CUBN: variants seen among roughly 807,000 people sequenced by gnomAD.
CUBN encodes the protein cubilin.
In CUBN, 282 loss-of-function variants were observed where a neutral mutation model predicts 405.3. The observed-to-expected ratio is 0.70, with a 90% CI of 0.63 to 0.77. The LOEUF (loss-of-function observed/expected upper bound fraction) is 0.77, where lower values mean the gene tolerates loss of function less well. Among genes scored for constraint, CUBN ranks in the 30% least tolerant of loss-of-function variants. CUBN has a pLI of 0.00. For missense variants in CUBN, 4,514 were observed against 4,475.2 expected (o/e 1.01, Z -0.25); for synonymous variants, 1,684 against 1,617.0 (o/e 1.04, Z -0.99).
At chr10:16,905,869 T>C (rs1588637393) in intron 50 of CUBN, among the ~76,000 whole-genome samples, 1 of 152,116 alleles carries the variant, frequency 6.6e-6, no homozygotes, top group African/African-American at 2.4e-5. Flanking sequence ...CCCCAGCACT[T>C]TGGGAGGCCA....
At chr10:16,841,522 C>A (rs1405361137) in intron 60 of CUBN, among the ~76,000 whole-genome samples, 4 of 151,900 alleles carry the variant, frequency 2.6e-5, no homozygotes, top group Non-Finnish European at 5.9e-5. Context: ...TGCTTCCCAT[C>A]CACTCAATCA....
chr10:16,852,138 T>G (rs985733899), intron 59 of CUBN, among the ~76,000 whole-genome samples: 1 of 127,924 alleles, frequency 7.8e-6, no homozygotes, highest in African/African-American at 3.0e-5. Flanking sequence ...CCTCCATCTT[T>G]CCCTCCCTCA....
chr10:16,854,910 TTTCCTTCC>T (rs200872755), intron 59 of CUBN, among the ~76,000 whole-genome samples: 1 of 150,368 alleles, frequency 6.7e-6, no homozygotes, highest in East Asian at 1.9e-4. Flanking sequence ...TCCTCCCTCC[TTTCCTTCC>T]TTCCTTCCTT....
In CUBN at chr10:17,127,869, G is replaced by A. The variant is rs776735047; in HGVS notation, c.308C>T (p.Pro103Leu). Residue 103 changes from proline to leucine, a missense_variant, in exon 3 of 67, where the codon CCT (proline) becomes CTT (leucine). By Grantham distance (98) the Pro-to-Leu change is moderately conservative (BLOSUM62 -3). This residue lies in a region of CUBN where 1,448 missense variants were observed against 1,388.0 expected (regional missense o/e 1.04). Transcript: ENST00000377833. The stretch of plus-strand genomic sequence containing the variant: ...ATAGATTTGACTAGATATATTTTGA[G>A]GCAGACCAATTGCACTCCCTTTTAA... ...IELKGSAIGL[P>L]QNISSQIYQL... 9 of 1,613,080 alleles carry A rather than the reference G, an allele frequency of 5.6e-6. No homozygotes were observed. In the South Asian group the frequency reaches 9.9e-5, roughly 18 times the overall value.
chr10:17,122,530 T>C, intron 6 of CUBN: 1 of 518,368 alleles, frequency 1.9e-6, no homozygotes, highest in Non-Finnish European at 3.8e-6. Context: ...GCTTACTCTC[T>C]GTGCCAATCA....
At chr10:17,031,418 T>A (rs370425540) in intron 27 of CUBN, among the ~76,000 whole-genome samples, 3 of 152,178 alleles carry the variant, frequency 2.0e-5, no homozygotes. Context: ...TATTACTCCG[T>A]TTTACAGAAA....
chr10:16,920,092 T>TA lies in CUBN; in HGVS notation c.6691dup (p.Tyr2231LeufsTer10). 1 of 1,613,976 alleles carries TA rather than the reference T, an allele frequency of 6.2e-7. No homozygotes were observed. The highest frequency in any genetic ancestry group is 8.5e-7 in the Non-Finnish European group (1 of 1,179,968). Reference sequence around the variant, plus strand: ...ATGAGGGTGGTTGGGGGAGGTCACATACCCAGCAGAATCAGCATCATGGAT... The same window carrying TA: ...ATGAGGGTGGTTGGGGGAGGTCACATAACCCAGCAGAATCAGCATCATGGAT... On this transcript the variant is annotated frameshift_variant, in exon 44 of 67. Transcript: ENST00000377833. LOFTEE classifies it high-confidence loss of function.
chr10:17,084,391 A>G lies in CUBN; in HGVS notation c.2181T>C (p.Pro727=), dbSNP rs751461563. 1.2e-5 allele frequency: 20 copies of G among 1,613,972 alleles called. No individual in the cohort carries two copies. Among genetic ancestry groups the G allele is most frequent in the Non-Finnish European group, 1.4e-5 (17 of 1,180,020 alleles). ...AGACGCATTGCCTGGTGTGAGTGAA[A>G]GGCCCAGACAACTCAGGCAAGAAGA... is the stretch of plus-strand genomic sequence containing the variant. ...GELFLPELSG[P]FTHTRQCVYM... Residue 727 remains proline (P), a synonymous_variant, in exon 17 of 67, where the codon CCT becomes CCC. Transcript: ENST00000377833.
intron 28 of CUBN, among the ~76,000 whole-genome samples, chr10:16,992,422 C>T (rs1283740865): frequency 6.6e-6 from 1 of 152,154 alleles, no homozygotes; most frequent in South Asian, 2.1e-4. Context: ...AACAGTGCCT[C>T]CTCACTCCAT....
chr10:16,837,312 C>G (rs928295136), intron 62 of CUBN, among the ~76,000 whole-genome samples: 2 of 151,926 alleles, frequency 1.3e-5, no homozygotes, highest in Non-Finnish European at 2.9e-5. Context: ...GGGGGCCAGC[C>G]TCGGGGGAAG....
chr10:17,027,241 TAATGGTG>T (rs1834692660), intron 27 of CUBN, among the ~76,000 whole-genome samples: 2 of 152,228 alleles, frequency 1.3e-5, no homozygotes, highest in Non-Finnish European at 2.9e-5. Flanking sequence ...GAACTGTTTC[TAATGGTG>T]AAGATTTGAA....
At chr10:16,901,918 T>TATATACAC (rs1236540013) in intron 51 of CUBN, among the ~76,000 whole-genome samples, 14 of 109,894 alleles carry the variant, frequency 1.3e-4, no homozygotes, top group African/African-American at 4.8e-4. Flanking sequence ...TATATATATA[T>TATATACAC]ACACACACAC....
At position 17,085,780 on chromosome 10, in the gene CUBN, A is replaced by G. The variant is rs58697381; in HGVS notation, c.1948-21T>C. The G allele has an allele frequency of 7.5e-4, 1,210 of 1,612,058 alleles. 7 individuals are homozygous for G. In the African/African-American group the frequency reaches 0.013, roughly 17 times the overall value. ...CGAATCTAAAACAAAAGGATGAATC[A>G]TTAAGCTCAAAGTGGTCAGATTTTT... On this transcript the variant is annotated intron_variant, in intron 15 of 66. Transcript: ENST00000377833.
intron 37 of CUBN, 59 bp from the exon 38 acceptor site, chr10:16,939,206 G>A: frequency 1.4e-6 from 2 of 1,380,740 alleles, no homozygotes; most frequent in African/African-American, 1.4e-5. Context: ...TTAATCAAAT[G>A]AAAAAAACAA....
At chr10:16,832,238 T>A (rs2131305469) in intron 64 of CUBN, among the ~76,000 whole-genome samples, 1 of 152,288 alleles carries the variant, frequency 6.6e-6, no homozygotes, top group African/African-American at 2.4e-5. Context: ...GCAATGTATG[T>A]TGGAACCAGC....
At chr10:17,026,696 T>A (rs1184811133) in intron 27 of CUBN, among the ~76,000 whole-genome samples, 4 of 151,766 alleles carry the variant, frequency 2.6e-5, no homozygotes, top group Non-Finnish European at 5.9e-5. Flanking sequence ...CCATTGTGGA[T>A]AAGCAAAGCC....
Position 16,963,187 on chromosome 10 carries a change from C to CTTTTTTTTTTT in CUBN, c.4696-8640_4696-8639insAAAAAAAAAAA, listed in dbSNP as rs1189695066. On this transcript the variant is annotated intron_variant, in intron 31 of 66. Coordinates refer to ENST00000377833, the MANE Select transcript of CUBN (RefSeq NM_001081.4). ...ATACATTTCTTTTTTCTTTTCTTTT[C>CTTTTTTTTTTT]TTTTTTTTCTTTTTTTTTTTTTTTT... Among the ~76,000 whole-genome samples, 543 of 84,390 alleles carry CTTTTTTTTTTT rather than the reference C, an allele frequency of 6.4e-3. 53 individuals are homozygous for CTTTTTTTTTTT. The highest frequency in any genetic ancestry group is 9.1e-3 in the South Asian group (21 of 2,296). The allele number at this position is 84,390 out of a possible 152,430, so 55.4% of individuals were successfully genotyped here.
At chr10:16,929,241 C>T (rs955472708) in intron 40 of CUBN, among the ~76,000 whole-genome samples, 14 of 152,036 alleles carry the variant, frequency 9.2e-5, no homozygotes, top group African/African-American at 2.7e-4. Context: ...CACAGAGACA[C>T]AAAGGACAGC....
At position 17,065,614 on chromosome 10, in the gene CUBN, T is replaced by C. The variant is rs761634203; in HGVS notation, c.3033A>G (p.Pro1011=). 3 of 1,613,546 alleles carry C rather than the reference T, an allele frequency of 1.9e-6. No homozygotes were observed. Among genetic ancestry groups the C allele is most frequent in the South Asian group, 2.2e-5 (2 of 91,068 alleles). The change falls in exon 22 of 67, where the codon CCA becomes CCG. Residue 1011 remains proline (P), a synonymous_variant. Coordinates refer to ENST00000377833, the MANE Select transcript of CUBN (RefSeq NM_001081.4). ...ATGAGTTACCACTGCTTGTGAGAGA[T>C]GGCGGGATCGACTTTCCACAGTATC... ...LGRYCGKSIP[P]SLTSSGNSLM...
Sources: allele counts gnomAD v4.1 joint callset (sites outside exome capture counted in the v4.1 genomes callset), GRCh38; gene constraint gnomAD v4.1.1; regional missense constraint gnomAD v4.1.1; transcripts MANE v1.5; gene names NCBI Gene and HGNC (gene_info 2026-07-23, HGNC 2026-07-21).